Variants in CHST3 observed in about 807,000 individuals in gnomAD.
The protein encoded by CHST3 is carbohydrate sulfotransferase 3, also known as C6ST-1.
Under a neutral mutation model 35.4 loss-of-function variants are expected in CHST3, and 20 were observed. The observed-to-expected ratio is 0.57, with a 90% confidence interval of 0.40 to 0.82. The LOEUF (loss-of-function observed/expected upper bound fraction) is 0.82. CHST3 is among the 40% of genes least tolerant of loss of function. The pLI is 0.00. For missense variants in CHST3, 693 were observed against 670.1 expected (o/e 1.03, Z -0.38); for synonymous variants, 334 against 295.9 (o/e 1.13, Z -1.32).
At chr10:71,998,244 T>C (rs956556824) in intron 1 of CHST3, among the ~76,000 whole-genome samples, 1 of 152,272 alleles carries the variant, frequency 6.6e-6, no homozygotes, top group African/African-American at 2.4e-5. Context: ...TTGCTTTCAC[T>C]GTGCCAATGC....
At chr10:71,970,130 C>A (rs1046768133) in intron 1 of CHST3, among the ~76,000 whole-genome samples, 1 of 152,146 alleles carries the variant, frequency 6.6e-6, no homozygotes, top group African/African-American at 2.4e-5. Context: ...GTCTCTATTG[C>A]CCCAAATCTG....
At chr10:71,991,113 G>A (rs1839893047) in intron 1 of CHST3, among the ~76,000 whole-genome samples, 1 of 152,124 alleles carries the variant, frequency 6.6e-6, no homozygotes. Flanking sequence ...TGAATGTGTG[G>A]GAAAATTTTA....
At chr10:71,973,322 C>G (rs942774485) in intron 1 of CHST3, among the ~76,000 whole-genome samples, 8 of 152,186 alleles carry the variant, frequency 5.3e-5, no homozygotes, top group African/African-American at 1.9e-4. Flanking sequence ...TGCCTGCCTG[C>G]CCTGGATGCC....
chr10:71,968,614 G>A (rs755449853), intron 1 of CHST3, among the ~76,000 whole-genome samples: 13 of 152,094 alleles, frequency 8.5e-5, no homozygotes, highest in Non-Finnish European at 1.9e-4. Flanking sequence ...GGCCCTTATT[G>A]GTTCTCCATG....
intron 1 of CHST3, among the ~76,000 whole-genome samples, chr10:71,992,827 A>G (rs1371277845): frequency 6.6e-6 from 1 of 151,328 alleles, no homozygotes; most frequent in African/African-American, 2.4e-5. Context: ...CGCTTGGCTA[A>G]TTTTTTGTAT....
chr10:71,996,148 C>T (rs1287294912), intron 1 of CHST3, among the ~76,000 whole-genome samples: 1 of 152,156 alleles, frequency 6.6e-6, no homozygotes, highest in Non-Finnish European at 1.5e-5. Context: ...ATTTCCCAGG[C>T]TCTCTGTGCC....
intron 1 of CHST3, among the ~76,000 whole-genome samples, chr10:71,981,663 G>T (rs1469252787): frequency 6.6e-6 from 1 of 152,224 alleles, no homozygotes; most frequent in East Asian, 1.9e-4. Flanking sequence ...CCATCCCAGG[G>T]CAGTGTAAGG....
chr10:71,970,916 G>T (rs190536139), intron 1 of CHST3, among the ~76,000 whole-genome samples: 1 of 152,318 alleles, frequency 6.6e-6, no homozygotes, highest in Admixed American at 6.5e-5. Context: ...AAAATGTCAG[G>T]TTTCTTTGCT....
intron 2 of CHST3, 100 bp from the exon 3 acceptor site, chr10:72,007,072 T>C: frequency 7.3e-7 from 1 of 1,373,890 alleles, no homozygotes; most frequent in Non-Finnish European, 1.0e-6. Flanking sequence ...GAAACCCAAC[T>C]GAGACAGGTT....
intron 2 of CHST3, 25 bp from the exon 3 acceptor site, chr10:72,007,147 A>C: frequency 1.2e-6 from 2 of 1,612,740 alleles, no homozygotes; most frequent in Non-Finnish European, 1.7e-6. Flanking sequence ...TCAGCCACTG[A>C]CCCTGATCTT....
At chr10:71,989,240 C>CGAGACAA (rs1449331761) in intron 1 of CHST3, among the ~76,000 whole-genome samples, 1 of 152,002 alleles carries the variant, frequency 6.6e-6, no homozygotes, top group Non-Finnish European at 1.5e-5. Flanking sequence ...CCCAGGAGTT[C>CGAGACAA]GAGACAAGCC....
At chr10:71,996,212 C>T (rs1589504579) in intron 1 of CHST3, among the ~76,000 whole-genome samples, 1 of 152,140 alleles carries the variant, frequency 6.6e-6, no homozygotes, top group Admixed American at 6.5e-5. Context: ...CAAAGGTATA[C>T]AATAGTTGCT....
At chr10:71,996,049 A>G (rs573802938) in intron 1 of CHST3, among the ~76,000 whole-genome samples, 1 of 152,344 alleles carries the variant, frequency 6.6e-6, no homozygotes, top group East Asian at 1.9e-4. Flanking sequence ...ACAAAAACAT[A>G]TAAAGGCATG....
chr10:71,972,706 C>T (rs536576557), intron 1 of CHST3, among the ~76,000 whole-genome samples: 1 of 152,344 alleles, frequency 6.6e-6, no homozygotes, highest in African/African-American at 2.4e-5. Context: ...CTTCCCCAGC[C>T]TCACCTGGAC....
intron 1 of CHST3, among the ~76,000 whole-genome samples, chr10:71,973,414 G>A (rs1211275365): frequency 6.6e-6 from 1 of 152,202 alleles, no homozygotes; most frequent in Non-Finnish European, 1.5e-5. Context: ...AACAGCCCCA[G>A]GGTCCAGTTC....
At position 72,007,347 on chromosome 10, in the gene CHST3, G is replaced by A. The variant is rs377655915; in HGVS notation, c.316G>A (p.Ala106Thr). The A allele has an allele frequency of 5.6e-6, 9 of 1,608,370 alleles. No homozygotes were observed. Among genetic ancestry groups the A allele is most frequent in the Admixed American group, 3.4e-5 (2 of 58,844 alleles). ...NLSLQLGVEP[A>T]MEAAGEEEEE... Reference sequence around the variant, plus strand: ...CAGCTTGCAGCTGGGCGTGGAGCCAGCCATGGAGGCCGCAGGGGAGGAAGA... The same window carrying A: ...CAGCTTGCAGCTGGGCGTGGAGCCAACCATGGAGGCCGCAGGGGAGGAAGA... Residue 106 changes from alanine to threonine, a missense_variant, in exon 3 of 3, where the codon GCC (alanine) becomes ACC (threonine). Transcript: ENST00000373115.
Position 72,008,058 on chromosome 10 carries a change from G to A in CHST3, c.1027G>A (p.Gly343Ser). Residue 343 changes from glycine to serine, a missense_variant, in exon 3 of 3, where the codon GGC becomes AGC. Coordinates refer to ENST00000373115, the MANE Select transcript of CHST3 (RefSeq NM_004273.5). ...LREEEVQRLRGNCESIRLSAE... is the reference protein window; with the variant it reads ...LREEEVQRLRSNCESIRLSAE... ...GGAAGAGGAGGTGCAGCGGCTGCGG[G>A]GCAACTGCGAGAGCATCCGCCTGTC... 1 of 1,549,100 alleles carries A rather than the reference G, an allele frequency of 6.5e-7. No individual in the cohort carries two copies. Among genetic ancestry groups the A allele is most frequent in the African/African-American group, 1.4e-5 (1 of 73,124 alleles).
At chr10:71,975,407 A>C (rs1839735584) in intron 1 of CHST3, among the ~76,000 whole-genome samples, 1 of 152,246 alleles carries the variant, frequency 6.6e-6, no homozygotes, top group African/African-American at 2.4e-5. Context: ...CCAGAGAACC[A>C]CAGAAGGTGG....
chr10:72,006,003 TC>T (rs748043104), intron 2 of CHST3, 21 bp downstream of exon 2: 1 of 1,607,198 alleles, frequency 6.2e-7, no homozygotes, highest in Non-Finnish European at 8.5e-7. Flanking sequence ...CAAGCCCAAG[TC>T]TTCATCTTCC....
Sources: gnomAD v4.1 joint callset for allele counts (sites outside exome capture counted in the v4.1 genomes callset) on GRCh38, gnomAD v4.1.1 for gene constraint, MANE v1.5 for transcripts, NCBI Gene and HGNC (gene_info 2026-07-23, HGNC 2026-07-21) for gene names.